The following KSR2 variants were observed in gnomAD, a reference collection of about 807,000 sequenced individuals.
KSR2 encodes the protein kinase suppressor of ras 2.
KSR2 carries 25 observed loss-of-function variants against 107.8 expected under a neutral mutation model. That is an observed-to-expected ratio of 0.23 (90% CI 0.17 to 0.32). KSR2 has a LOEUF of 0.32. Ranked by LOEUF, KSR2 falls within the 10% of genes least tolerant of loss-of-function variation. KSR2 has a pLI of 1.00. For missense variants in KSR2, 887 were observed against 1,268.9 expected, an observed-to-expected ratio of 0.70 and a Z score of 4.57; for synonymous variants, 480 against 507.0, an observed-to-expected ratio of 0.95 and a Z score of 0.71.
intron 7 of KSR2, among the ~76,000 whole-genome samples, chr12:117,577,798 A>G (rs1879377446): frequency 6.6e-6 from 1 of 152,224 alleles, no homozygotes; most frequent in Non-Finnish European, 1.5e-5. Context: ...TCCCTCCCAT[A>G]ACATGTGGGA....
chr12:117,793,074 ACACACT>A (rs1890325925), intron 3 of KSR2, among the ~76,000 whole-genome samples: 1 of 150,072 alleles, frequency 6.7e-6, no homozygotes. Context: ...ACCAACAGGC[ACACACT>A]CTCACACCAA....
intron 7 of KSR2, among the ~76,000 whole-genome samples, chr12:117,569,523 A>T (rs1878740384): frequency 6.6e-6 from 1 of 152,218 alleles, no homozygotes. Flanking sequence ...ACCATGTCTT[A>T]CCTTACTAGG....
chr12:117,673,449 A>G (rs1884995275), intron 4 of KSR2, among the ~76,000 whole-genome samples: 1 of 152,114 alleles, frequency 6.6e-6, no homozygotes, highest in African/African-American at 2.4e-5. Context: ...GGAAGGATGG[A>G]CAGATGGAAA....
At chr12:117,820,382 T>G (rs1336869609) in intron 3 of KSR2, among the ~76,000 whole-genome samples, 1 of 152,228 alleles carries the variant, frequency 6.6e-6, no homozygotes, top group African/African-American at 2.4e-5. Flanking sequence ...CTAAGTAGAT[T>G]ATGCTTTTCT....
At chr12:117,919,486 G>T (rs529475264) in intron 1 of KSR2, among the ~76,000 whole-genome samples, 1 of 152,352 alleles carries the variant, frequency 6.6e-6, no homozygotes, top group South Asian at 2.1e-4. Context: ...ATGCTAGGCT[G>T]TTTGTTGCAG....
At chr12:117,719,355 C>T (rs901501297) in intron 4 of KSR2, among the ~76,000 whole-genome samples, 9 of 152,164 alleles carry the variant, frequency 5.9e-5, no homozygotes, top group African/African-American at 1.2e-4. Context: ...CTACCATACC[C>T]GGCTAATTTT....
chr12:117,936,582 G>A (rs531764649), intron 1 of KSR2, among the ~76,000 whole-genome samples: 1 of 145,960 alleles, frequency 6.9e-6, no homozygotes, highest in African/African-American at 2.5e-5. Flanking sequence ...GTAGAGACAG[G>A]GTCTCGCTTT....
chr12:117,466,669 A>C lies in KSR2; in HGVS notation c.*530T>G, dbSNP rs2137105926. On this transcript the variant is annotated 3_prime_UTR_variant, in exon 20 of 20. Coordinates refer to ENST00000339824, the MANE Select transcript of KSR2 (RefSeq NM_173598.6). Reference sequence around the variant, plus strand: ...CGATCTTGGCTCAGTAGCCTTGACTAAGCTGCCACTCGGCTCTGTACCCTC... The same window carrying C: ...CGATCTTGGCTCAGTAGCCTTGACTCAGCTGCCACTCGGCTCTGTACCCTC... 6.5e-6 allele frequency: 1 copy of C among 153,184 alleles called. No individual in the cohort carries two copies. The highest frequency in any genetic ancestry group is 1.5e-5 in the Non-Finnish European group (1 of 68,426). 9.5% of individuals were successfully genotyped at this position (153,184 alleles called of 1,614,324 possible).
chr12:117,828,057 T>G (rs1412870418), intron 3 of KSR2, among the ~76,000 whole-genome samples: 1 of 152,172 alleles, frequency 6.6e-6, no homozygotes, highest in Non-Finnish European at 1.5e-5. Context: ...TTTCACAGAC[T>G]CGAACACCAA....
Position 117,761,093 on chromosome 12 carries a change from T to A in KSR2, c.904A>T (p.Ile302Phe). Residue 302 changes from isoleucine (I) to phenylalanine (F), a missense_variant, in exon 4 of 20, where the codon ATC becomes TTC. This residue lies in a region of KSR2 where 399 missense variants were observed against 479.5 expected (regional missense o/e 0.83). Transcript: ENST00000339824. Reference sequence around the variant, plus strand: ...CGATGCAGCGCGGTGAATCCCGGGATCAAGTGTATCAGTTTTCGGGAGGAG... The same window carrying A: ...CGATGCAGCGCGGTGAATCCCGGGAACAAGTGTATCAGTTTTCGGGAGGAG... ...PPSSRKLIHL[I>F]PGFTALHRSK... 1 of 1,613,680 alleles carries A rather than the reference T, an allele frequency of 6.2e-7. No individual in the cohort carries two copies. Among genetic ancestry groups the A allele is most frequent in the Non-Finnish European group, 8.5e-7 (1 of 1,179,710 alleles).
intron 3 of KSR2, among the ~76,000 whole-genome samples, chr12:117,793,553 ACT>A (rs1264750244): frequency 4.7e-5 from 7 of 148,902 alleles, no homozygotes; most frequent in Admixed American, 1.3e-4. Context: ...CAACATGCAC[ACT>A]CACACCAACA....
chr12:117,697,562 G>A (rs1018472358), intron 4 of KSR2, among the ~76,000 whole-genome samples: 1 of 152,074 alleles, frequency 6.6e-6, no homozygotes, highest in African/African-American at 2.4e-5. Context: ...CCAACATGGT[G>A]AAACCCTATT....
chr12:117,880,868 C>T (rs1434237278), intron 1 of KSR2, among the ~76,000 whole-genome samples: 1 of 151,964 alleles, frequency 6.6e-6, no homozygotes, highest in East Asian at 1.9e-4. Context: ...CGGGGATTCA[C>T]CATGTTGGCC....
chr12:117,567,661 C>CAA (rs57039581), intron 7 of KSR2, among the ~76,000 whole-genome samples: 16,205 of 134,840 alleles, frequency 0.12, 1,349 homozygotes, highest in African/African-American at 0.22. Flanking sequence ...AGGCTTCTCG[C>CAA]AAAAAAAAAA....
chr12:117,950,719 T>G (rs1896334254), intron 1 of KSR2, among the ~76,000 whole-genome samples: 1 of 141,970 alleles, frequency 7.0e-6, no homozygotes, highest in South Asian at 2.3e-4. Context: ...CTAGCCTGGG[T>G]GACAGAGCAA....
intron 5 of KSR2, among the ~76,000 whole-genome samples, chr12:117,586,049 G>T (rs1166291900): frequency 6.6e-6 from 1 of 152,182 alleles, no homozygotes; most frequent in African/African-American, 2.4e-5. Context: ...CTGGTCTTTG[G>T]AATCACCTTA....
intron 5 of KSR2, among the ~76,000 whole-genome samples, chr12:117,646,122 ATTGT>A (rs1185984223): frequency 6.6e-6 from 1 of 152,132 alleles, no homozygotes; most frequent in Non-Finnish European, 1.5e-5. Flanking sequence ...GTTATACTCT[ATTGT>A]TTAAGAAATA....
At position 117,540,012 on chromosome 12, in the gene KSR2, C is replaced by G; in HGVS notation, c.1519-125G>C. ...GCAACAATTCTTGCCCTTTCCTCAG[C>G]CACCAGATCCTTCCGAAGTCCCTCC... On this transcript the variant is annotated intron_variant, in intron 9 of 19. Transcript: ENST00000339824. The G allele has an allele frequency of 4.1e-6, 3 of 736,260 alleles. No individual in the cohort carries two copies. In the South Asian group the frequency reaches 6.0e-5, roughly 15 times the overall value. 45.6% of individuals were successfully genotyped at this position (736,260 alleles called of 1,614,324 possible). A position where few individuals can be genotyped will look rare whatever the true frequency, so the allele number is the denominator to read the frequency against.
rs1163448822 is a variant in KSR2, at chr12:117,732,455, A to AT, written c.986+28555dup. 5.3e-5 allele frequency among the ~76,000 whole-genome samples: 8 copies of AT among 151,906 alleles called. No homozygotes were observed. The South Asian group carries it at 1.0e-3, about 20-fold the overall frequency. ...AGGCACCTGCCACTATGCCCCGCTA[A>AT]TTTTTTGTATTTTTAGTAGAGATGG... On this transcript the variant is annotated intron_variant, in intron 4 of 19. Coordinates refer to ENST00000339824, the MANE Select transcript of KSR2 (RefSeq NM_173598.6).
Sources: gnomAD v4.1 joint callset for allele counts (sites outside exome capture counted in the v4.1 genomes callset) on GRCh38, gnomAD v4.1.1 for gene constraint, gnomAD v4.1.1 regional missense constraint, MANE v1.5 for transcripts, NCBI Gene and HGNC (gene_info 2026-07-23, HGNC 2026-07-21) for gene names.